NDST4: variants seen among roughly 807,000 people sequenced by gnomAD.
The protein encoded by NDST4 is N-deacetylase and N-sulfotransferase 4, also known as N-heparan sulfate sulfotransferase 4.
Under a neutral mutation model 100.8 loss-of-function variants are expected in NDST4, and 63 were observed. The ratio of observed to expected loss-of-function variants is 0.62; its 90% CI spans 0.51 to 0.77. The LOEUF (loss-of-function observed/expected upper bound fraction) is 0.77, where lower values mean the gene tolerates loss of function less well. Among genes scored for constraint, NDST4 ranks in the 30% least tolerant of loss-of-function variants. The probability of loss-of-function intolerance (pLI) is 0.00; values close to 1 mark genes in which losing one functional copy is unlikely to be tolerated. For synonymous variants in NDST4, 377 were observed against 361.8 expected, an observed-to-expected ratio of 1.04 and a Z score of -0.48; for missense variants, 943 against 1,018.4, an observed-to-expected ratio of 0.93 and a Z score of 1.01.
At chr4:115,093,203 C>T (rs558251291) in intron 1 of NDST4, among the ~76,000 whole-genome samples, 20 of 152,034 alleles carry the variant, frequency 1.3e-4, no homozygotes, top group Non-Finnish European at 1.3e-4. Context: ...AACATTAGAG[C>T]GGTGGCTCAT....
At chr4:114,850,266 T>C (rs1723644137) in intron 8 of NDST4, among the ~76,000 whole-genome samples, 1 of 152,138 alleles carries the variant, frequency 6.6e-6, no homozygotes, top group Non-Finnish European at 1.5e-5. Context: ...AAATGTTTAA[T>C]TACCCTGTTG....
intron 2 of NDST4, among the ~76,000 whole-genome samples, chr4:115,013,906 T>A (rs759379491): frequency 6.6e-6 from 1 of 151,982 alleles, no homozygotes; most frequent in Non-Finnish European, 1.5e-5. Context: ...ATCAAGAACA[T>A]GAAAGATGCA....
intron 6 of NDST4, among the ~76,000 whole-genome samples, chr4:114,872,837 A>G (rs1724176934): frequency 6.6e-6 from 1 of 152,022 alleles, no homozygotes. Context: ...CCAGGCAGTC[A>G]GATTCCCAAT....
intron 1 of NDST4, among the ~76,000 whole-genome samples, chr4:115,112,732 T>A (rs1156692541): frequency 6.6e-6 from 1 of 151,888 alleles, no homozygotes; most frequent in Non-Finnish European, 1.5e-5. Context: ...CCAATAACAT[T>A]TCTTGTTTTC....
At chr4:114,974,120 ATAT>A (rs1726577814) in intron 3 of NDST4, among the ~76,000 whole-genome samples, 2 of 152,162 alleles carry the variant, frequency 1.3e-5, no homozygotes, top group East Asian at 1.9e-4. Flanking sequence ...AATAAAAGAG[ATAT>A]TATTATCCCC....
intron 6 of NDST4, among the ~76,000 whole-genome samples, chr4:114,900,936 A>T (rs571819229): frequency 6.6e-6 from 1 of 152,148 alleles, no homozygotes; most frequent in African/African-American, 2.4e-5. Context: ...TAATCTCCAA[A>T]CATTTTGGGG....
At chr4:115,092,932 C>T (rs968147709) in intron 1 of NDST4, among the ~76,000 whole-genome samples, 2 of 151,762 alleles carry the variant, frequency 1.3e-5, no homozygotes, top group African/African-American at 4.8e-5. Flanking sequence ...TGAAAAAATC[C>T]AAGTATATGC....
intron 11 of NDST4, among the ~76,000 whole-genome samples, chr4:114,834,235 C>T (rs377219671): frequency 2.6e-5 from 4 of 152,112 alleles, no homozygotes; most frequent in Middle Eastern, 3.4e-3. Flanking sequence ...TGGAAAAGGC[C>T]GGGCGCAGTG....
intron 2 of NDST4, among the ~76,000 whole-genome samples, chr4:114,985,809 G>A (rs1726887594): frequency 6.6e-6 from 1 of 152,178 alleles, no homozygotes; most frequent in African/African-American, 2.4e-5. Flanking sequence ...TAGACAATGA[G>A]ATCAATAAAG....
chr4:115,004,571 A>T (rs1009417625), intron 2 of NDST4, among the ~76,000 whole-genome samples: 2 of 152,162 alleles, frequency 1.3e-5, no homozygotes, highest in African/African-American at 2.4e-5. Context: ...CTATAAGTAA[A>T]GCTGGCCCTG....
intron 7 of NDST4, among the ~76,000 whole-genome samples, chr4:114,857,051 C>T (rs1723812877): frequency 6.6e-6 from 1 of 152,148 alleles, no homozygotes; most frequent in Admixed American, 6.5e-5. Context: ...GGCTGAAGTA[C>T]AAGCCACCCT....
chr4:114,844,436 G>A (rs774852494), intron 10 of NDST4, among the ~76,000 whole-genome samples: 3 of 152,080 alleles, frequency 2.0e-5, no homozygotes, highest in Non-Finnish European at 4.4e-5. Flanking sequence ...CTAGCCACGC[G>A]GAATTTCTTC....
At chr4:115,056,981 C>T (rs937282742) in intron 2 of NDST4, among the ~76,000 whole-genome samples, 2 of 151,838 alleles carry the variant, frequency 1.3e-5, no homozygotes, top group African/African-American at 2.4e-5. Context: ...TTTTTTTTCA[C>T]TTTGTTGGAT....
intron 1 of NDST4, among the ~76,000 whole-genome samples, chr4:115,081,544 C>A (rs753886436): frequency 1.3e-5 from 2 of 151,992 alleles, no homozygotes. Flanking sequence ...AATCTTAAGT[C>A]GTTACCATAA....
intron 3 of NDST4, among the ~76,000 whole-genome samples, chr4:114,975,074 T>C (rs1726600466): frequency 6.6e-6 from 1 of 152,076 alleles, no homozygotes; most frequent in Admixed American, 6.6e-5. Flanking sequence ...ATGTGAAATC[T>C]CCGTATAGAA....
chr4:115,086,180 A>T (rs2126293076), intron 1 of NDST4, among the ~76,000 whole-genome samples: 1 of 152,288 alleles, frequency 6.6e-6, no homozygotes, highest in East Asian at 1.9e-4. Context: ...ATTAAATAGT[A>T]GTTGAGACTA....
At chr4:114,915,404 A>G (rs1725148054) in intron 6 of NDST4, among the ~76,000 whole-genome samples, 1 of 152,232 alleles carries the variant, frequency 6.6e-6, no homozygotes, top group African/African-American at 2.4e-5. Flanking sequence ...AAGTCAAATT[A>G]GAAGTTAAGA....
chr4:115,046,145 C>T (rs1222913573), intron 2 of NDST4, among the ~76,000 whole-genome samples: 1 of 152,148 alleles, frequency 6.6e-6, no homozygotes, highest in African/African-American at 2.4e-5. Flanking sequence ...TGAAGCAACT[C>T]ATTCCAGAGT....
intron 11 of NDST4, among the ~76,000 whole-genome samples, chr4:114,838,004 G>A (rs1307806466): frequency 6.6e-6 from 1 of 152,124 alleles, no homozygotes; most frequent in Non-Finnish European, 1.5e-5. Context: ...CAAGAAGTAG[G>A]CAAAGTATAT....
Sources: gnomAD v4.1 joint callset for allele counts (sites outside exome capture counted in the v4.1 genomes callset) on GRCh38, gnomAD v4.1.1 for gene constraint, MANE v1.5 for transcripts, NCBI Gene and HGNC (gene_info 2026-07-23, HGNC 2026-07-21) for gene names.